DAAM1: variants seen among roughly 807,000 people sequenced by gnomAD.
DAAM1 encodes the protein dishevelled associated activator of morphogenesis 1, also known as disheveled-associated activator of morphogenesis 1.
Under a neutral mutation model 130.0 loss-of-function variants are expected in DAAM1, and 52 were observed. The observed-to-expected ratio is 0.40, with a 90% CI of 0.32 to 0.50. The LOEUF is 0.50. Among genes scored for constraint, DAAM1 ranks in the 20% least tolerant of loss-of-function variants. DAAM1 has a pLI of 0.61. For synonymous variants in DAAM1, 452 were observed against 444.5 expected, an observed-to-expected ratio of 1.02 and a Z score of -0.21; for missense variants, 1,134 against 1,303.8, an observed-to-expected ratio of 0.87 and a Z score of 2.01.
At chr14:59,295,739 CGAGAT>C (rs1883933822) in intron 3 of DAAM1, among the ~76,000 whole-genome samples, 1 of 152,130 alleles carries the variant, frequency 6.6e-6, no homozygotes, top group South Asian at 2.1e-4. Context: ...AAGGAGGAGA[CGAGAT>C]GAGACATCGG....
chr14:59,231,598 T>C (rs954472914), intron 1 of DAAM1, among the ~76,000 whole-genome samples: 1 of 152,186 alleles, frequency 6.6e-6, no homozygotes, highest in African/African-American at 2.4e-5. Flanking sequence ...CAGATCTCAG[T>C]TGTACCATTC....
chr14:59,369,092 A>T lies in DAAM1; in HGVS notation c.*233A>T. 1 of 457,570 alleles carries T rather than the reference A, an allele frequency of 2.2e-6. No homozygotes were observed. The allele number at this position is 457,570 out of a possible 1,614,324, so 28.3% of individuals were successfully genotyped here. ...TGGTTAAAAAGATTTATGTTAATGT[A>T]TGTGCTCCAAAACCTTTCGTGTATG... On this transcript the variant is annotated 3_prime_UTR_variant, in exon 25 of 25. Coordinates refer to ENST00000360909, the MANE Select transcript of DAAM1 (RefSeq NM_001270520.2).
intron 2 of DAAM1, among the ~76,000 whole-genome samples, chr14:59,275,353 T>C (rs1224932563): frequency 1.3e-5 from 2 of 152,100 alleles, no homozygotes; most frequent in African/African-American, 4.8e-5. Context: ...AATAGCTGGG[T>C]GATGAAATCA....
At chr14:59,287,845 C>T (rs1163022616) in intron 2 of DAAM1, among the ~76,000 whole-genome samples, 2 of 152,168 alleles carry the variant, frequency 1.3e-5, no homozygotes, top group African/African-American at 4.8e-5. Flanking sequence ...GACCATACTG[C>T]CCAAAGCAAT....
At chr14:59,340,220 C>A (rs760658075) in intron 16 of DAAM1, 40 bp downstream of exon 16, 23 of 1,576,606 alleles carry the variant, frequency 1.5e-5, no homozygotes, top group Non-Finnish European at 1.9e-5. Flanking sequence ...GTAGGACCAA[C>A]ATTTCCATTC....
intron 2 of DAAM1, among the ~76,000 whole-genome samples, chr14:59,274,133 G>A (rs1882847634): frequency 6.6e-6 from 1 of 152,102 alleles, no homozygotes. Flanking sequence ...TTGTTCCTTG[G>A]CAAACCAGAT....
chr14:59,243,188 G>A (rs959443867), intron 1 of DAAM1, among the ~76,000 whole-genome samples: 16 of 152,156 alleles, frequency 1.1e-4, no homozygotes, highest in Non-Finnish European at 1.2e-4. Context: ...AGTGGCTAGG[G>A]AAATTCAGAG....
chr14:59,253,872 CTT>C, intron 1 of DAAM1, among the ~76,000 whole-genome samples: 1 of 152,290 alleles, frequency 6.6e-6, no homozygotes, highest in African/African-American at 2.4e-5. Context: ...CCATAGTAAA[CTT>C]TGCTTCAAGA....
In DAAM1 at chr14:59,263,614, C is replaced by G; in HGVS notation, c.137C>G (p.Pro46Arg). The change falls in exon 2 of 25, where the codon CCC (proline) becomes CGC (arginine). Residue 46 changes from proline (P) to arginine (R), a missense_variant. Physicochemically the swap from Pro to Arg is moderately radical, Grantham distance 103 (BLOSUM62 -2). Transcript: ENST00000360909. ...FALQTMEPAL[P>R]MPPVEELDVM... Reference sequence around the variant, plus strand: ...CTTCAGACCATGGAACCAGCATTGCCCATGCCCCCTGTGGAGGAGCTGGAT... The same window carrying G: ...CTTCAGACCATGGAACCAGCATTGCGCATGCCCCCTGTGGAGGAGCTGGAT... 6.2e-7 allele frequency: 1 copy of G among 1,614,198 alleles called. No individual in the cohort carries two copies. The highest frequency in any genetic ancestry group is 8.5e-7 in the Non-Finnish European group (1 of 1,180,032).
At chr14:59,244,842 C>T (rs1367803813) in intron 1 of DAAM1, among the ~76,000 whole-genome samples, 4 of 152,146 alleles carry the variant, frequency 2.6e-5, no homozygotes, top group African/African-American at 9.7e-5. Flanking sequence ...CTGGCTTTTA[C>T]GTGACACTAC....
chr14:59,257,494 TGGTG>T (rs386778014), intron 1 of DAAM1, among the ~76,000 whole-genome samples: 24,283 of 151,970 alleles, frequency 0.16, 2,790 homozygotes, highest in East Asian at 0.57. Flanking sequence ...GAATCTTGAA[TGGTG>T]AGTGGAAGAG....
At chr14:59,355,357 T>G (rs1293863399) in intron 20 of DAAM1, 24 bp downstream of exon 20, 2 of 1,612,570 alleles carry the variant, frequency 1.2e-6, no homozygotes, top group Admixed American at 3.3e-5. Flanking sequence ...CTTCCAACAC[T>G]TGGGGGAGCC....
intron 15 of DAAM1, among the ~76,000 whole-genome samples, chr14:59,339,189 A>G (rs1885749969): frequency 6.6e-6 from 1 of 152,254 alleles, no homozygotes; most frequent in Non-Finnish European, 1.5e-5. Flanking sequence ...AATTCAGCTA[A>G]GATTCTTTAT....
chr14:59,305,599 G>A (rs1010047388), intron 3 of DAAM1, among the ~76,000 whole-genome samples: 3 of 152,162 alleles, frequency 2.0e-5, no homozygotes, highest in African/African-American at 7.2e-5. Flanking sequence ...CACATAAAAT[G>A]TATTCCCCCA....
chr14:59,326,744 T>C, intron 11 of DAAM1, 96 bp downstream of exon 11: 2 of 1,554,778 alleles, frequency 1.3e-6, no homozygotes, highest in Non-Finnish European at 1.7e-6. Context: ...AGAGCTGAAA[T>C]GTTCTAGGGG....
At chr14:59,304,665 G>A (rs1181091921) in intron 3 of DAAM1, among the ~76,000 whole-genome samples, 2 of 152,200 alleles carry the variant, frequency 1.3e-5, no homozygotes. Context: ...TTCTGATACA[G>A]TGGTATCTTC....
intron 4 of DAAM1, among the ~76,000 whole-genome samples, chr14:59,315,687 A>G (rs932287235): frequency 2.0e-5 from 3 of 152,238 alleles, no homozygotes; most frequent in Non-Finnish European, 4.4e-5. Flanking sequence ...TGGCAGCACT[A>G]TTTTAAAAGT....
chr14:59,307,068 C>G (rs546806982), intron 3 of DAAM1, among the ~76,000 whole-genome samples: 7 of 152,288 alleles, frequency 4.6e-5, no homozygotes, highest in Admixed American at 3.3e-4. Context: ...CCAGGAAGTA[C>G]TAGTCATGCA....
Position 59,322,985 on chromosome 14 carries a change from T to C in DAAM1, c.534T>C (p.His178=), listed in dbSNP as rs1481643638. 2.5e-6 allele frequency: 4 copies of C among 1,614,162 alleles called. No homozygotes were observed. In the South Asian group the frequency reaches 4.4e-5, roughly 18 times the overall value. Residue 178 remains histidine (H), a synonymous_variant, in exon 6 of 25, where the codon CAT becomes CAC. Transcript: ENST00000360909. Reference sequence around the variant, plus strand: ...ACGAGACCTCAGAGTCTCGAATACATACTTCTCTCATTGGCTGTATAAAGG... The same window carrying C: ...ACGAGACCTCAGAGTCTCGAATACACACTTCTCTCATTGGCTGTATAAAGG... ...MDYETSESRI[H]TSLIGCIKAL...
Sources: allele counts gnomAD v4.1 joint callset (sites outside exome capture counted in the v4.1 genomes callset), GRCh38; gene constraint gnomAD v4.1.1; transcripts MANE v1.5; gene names NCBI Gene and HGNC (gene_info 2026-07-23, HGNC 2026-07-21).